The following SORBS2 variants were observed in gnomAD, a reference collection of about 807,000 sequenced individuals.
SORBS2 encodes the protein sorbin and SH3 domain-containing protein 2.
A neutral mutation model predicts 97.7 loss-of-function variants in SORBS2; 46 were observed. The ratio of observed to expected loss-of-function variants is 0.47; its 90% confidence interval spans 0.37 to 0.60. The LOEUF (loss-of-function observed/expected upper bound fraction) is 0.60, where lower values mean the gene tolerates loss of function less well. Among genes scored for constraint, SORBS2 ranks in the 20% least tolerant of loss-of-function variants. SORBS2 has a pLI of 0.00. For synonymous variants in SORBS2, 476 were observed against 473.4 expected (o/e 1.01, Z -0.07); for missense variants, 1,316 against 1,282.3 (o/e 1.03, Z -0.40).
intron 2 of SORBS2, among the ~76,000 whole-genome samples, chr4:185,763,848 G>A (rs1403849522): frequency 1.3e-5 from 2 of 152,132 alleles, no homozygotes; most frequent in East Asian, 1.9e-4. Context: ...AGATAGTGAT[G>A]TCTACCAGCT....
At chr4:185,945,665 C>T (rs1261520960) in intron 1 of SORBS2, among the ~76,000 whole-genome samples, 2 of 152,092 alleles carry the variant, frequency 1.3e-5, no homozygotes, top group African/African-American at 2.4e-5. Context: ...AAACATTTCT[C>T]GAGAATCAGG....
chr4:185,778,754 A>G (rs2099012860), intron 1 of SORBS2, among the ~76,000 whole-genome samples: 1 of 152,188 alleles, frequency 6.6e-6, no homozygotes, highest in South Asian at 2.1e-4. Flanking sequence ...GATCATTTGT[A>G]CATCATTAAG....
chr4:185,677,525 T>G (rs986776639), intron 4 of SORBS2: 36 of 1,550,872 alleles, frequency 2.3e-5, no homozygotes, highest in Non-Finnish European at 3.0e-5. Flanking sequence ...CAAAGTACTC[T>G]GTACTGGAGG....
intron 2 of SORBS2, among the ~76,000 whole-genome samples, chr4:185,685,186 C>G (rs974260513): frequency 6.6e-6 from 1 of 152,212 alleles, no homozygotes; most frequent in Non-Finnish European, 1.5e-5. Context: ...TATACTAAAT[C>G]TATAAGCACT....
chr4:185,618,107 G>C (rs1246989105), intron 9 of SORBS2, among the ~76,000 whole-genome samples: 1 of 152,008 alleles, frequency 6.6e-6, no homozygotes, highest in Admixed American at 6.6e-5. Flanking sequence ...TGAGTAGCTG[G>C]GACTATACAG....
chr4:185,620,425 C>T (rs2096701772), intron 7 of SORBS2, among the ~76,000 whole-genome samples: 1 of 152,006 alleles, frequency 6.6e-6, no homozygotes, highest in Non-Finnish European at 1.5e-5. Context: ...ATTGCCACAC[C>T]CAGTAAGACA....
chr4:185,623,018 G>A lies in SORBS2; in HGVS notation c.2111C>T (p.Pro704Leu). Residue 704 changes from proline (P) to leucine (L), a missense_variant, in exon 7 of 15, where the codon CCC becomes CTC. By Grantham distance (98) the Pro-to-Leu change is moderately conservative. Transcript: ENST00000418609. This position sits in a 1 kb window ranked among gnomAD's most constrained non-coding sequence, Gnocchi z 6.4. ...CATTCTCCCGCAGTCATTCTGGTAG[G>A]GTGGACAATGAATAGCACCATCGGG... is the stretch of plus-strand genomic sequence containing the variant. The A allele has an allele frequency of 6.2e-7, 1 of 1,614,118 alleles. No individual in the cohort carries two copies. The highest frequency in any genetic ancestry group is 8.5e-7 in the Non-Finnish European group (1 of 1,180,036).
At chr4:185,856,866 C>T (rs1350193747) in intron 1 of SORBS2, among the ~76,000 whole-genome samples, 2 of 152,152 alleles carry the variant, frequency 1.3e-5, no homozygotes, top group Non-Finnish European at 2.9e-5. Flanking sequence ...CACAAGGTGG[C>T]AGGAGAGAGC....
At chr4:185,760,903 C>T (rs1286370277) in intron 2 of SORBS2, among the ~76,000 whole-genome samples, 1 of 152,160 alleles carries the variant, frequency 6.6e-6, no homozygotes, top group African/African-American at 2.4e-5. Context: ...AATCTGTCAC[C>T]ATGTTAGCAG....
At chr4:185,853,017 G>A (rs1306278679) in intron 1 of SORBS2, among the ~76,000 whole-genome samples, 1 of 152,036 alleles carries the variant, frequency 6.6e-6, no homozygotes, top group Non-Finnish European at 1.5e-5. Context: ...GATGGGAGTG[G>A]GTTAGTGGAA....
chr4:185,692,762 A>C (rs2098118818), intron 2 of SORBS2, among the ~76,000 whole-genome samples: 1 of 151,704 alleles, frequency 6.6e-6, no homozygotes, highest in South Asian at 2.1e-4. Flanking sequence ...ATATATATGT[A>C]TAGTGTAATC....
chr4:185,761,286 T>G (rs543678946), intron 2 of SORBS2, among the ~76,000 whole-genome samples: 146 of 152,348 alleles, frequency 9.6e-4, no homozygotes, highest in African/African-American at 3.2e-3. Context: ...TACCGAAAGC[T>G]TAAGTTTTTC....
intron 2 of SORBS2, among the ~76,000 whole-genome samples, chr4:185,753,353 T>C (rs2098812630): frequency 6.6e-6 from 1 of 152,200 alleles, no homozygotes; most frequent in Non-Finnish European, 1.5e-5. Context: ...ACTGGGAGAA[T>C]TAGAAATTGC....
At chr4:185,766,971 T>G (rs1269215707) in intron 2 of SORBS2, among the ~76,000 whole-genome samples, 1 of 152,204 alleles carries the variant, frequency 6.6e-6, no homozygotes, top group South Asian at 2.1e-4. Context: ...TCTTTAAAAT[T>G]TTTTTTAAAC....
chr4:185,921,589 C>A (rs183618688), intron 1 of SORBS2, among the ~76,000 whole-genome samples: 33 of 152,152 alleles, frequency 2.2e-4, no homozygotes, highest in Non-Finnish European at 3.5e-4. Context: ...CTGGCTGATA[C>A]AACAAGACCC....
intron 6 of SORBS2, among the ~76,000 whole-genome samples, chr4:185,625,931 A>G (rs1257756638): frequency 6.6e-6 from 1 of 152,228 alleles, no homozygotes; most frequent in East Asian, 1.9e-4. Context: ...AGAAACTTAC[A>G]TTAGAGCTCA....
chr4:185,768,142 G>A (rs1376742900), intron 2 of SORBS2, among the ~76,000 whole-genome samples: 1 of 152,124 alleles, frequency 6.6e-6, no homozygotes, highest in African/African-American at 2.4e-5. Context: ...CTTTTGCAGA[G>A]TGTTATATCC....
At position 185,820,543 on chromosome 4, in the gene SORBS2, GGGGAAGGAGTA is replaced by G. The variant is rs575562129; in HGVS notation, c.-337-45188_-337-45178del. Among the ~76,000 whole-genome samples, 24 of 152,344 alleles carry G rather than the reference GGGGAAGGAGTA, an allele frequency of 1.6e-4. No individual in the cohort carries two copies. The East Asian group carries it at 4.2e-3, about 27-fold the overall frequency. ...CATGGTGTGCCCAAGTCCTGCAGTT[GGGGAAGGAGTA>G]GGGAGCTGAGACCACAGAGGGACAG... On this transcript the variant is annotated intron_variant, in intron 1 of 20. Transcript: ENST00000284776.
intron 2 of SORBS2, among the ~76,000 whole-genome samples, chr4:185,733,761 C>A (rs960770480): frequency 5.9e-5 from 9 of 152,110 alleles, no homozygotes; most frequent in Admixed American, 4.6e-4. Flanking sequence ...GTGAAGAATT[C>A]AAAAACAATC....
Sources: allele counts gnomAD v4.1 joint callset (sites outside exome capture counted in the v4.1 genomes callset), GRCh38; gene constraint gnomAD v4.1.1; non-coding constraint Gnocchi (gnomAD v3.1); transcripts MANE v1.5; gene names NCBI Gene and HGNC (gene_info 2026-07-23, HGNC 2026-07-21).